The following CROCC2 variants were observed in gnomAD, a reference collection of about 807,000 sequenced individuals.
CROCC2 encodes the protein ciliary rootlet coiled-coil protein 2.
In CROCC2, 163 loss-of-function variants were observed where a neutral mutation model predicts 177.6. That is an observed-to-expected ratio of 0.92 (90% CI 0.81 to 1.05). The LOEUF (loss-of-function observed/expected upper bound fraction) is 1.05, where lower values mean the gene tolerates loss of function less well. Ranked by LOEUF, CROCC2 falls within the 50% of genes least tolerant of loss-of-function variation. The pLI, the probability that CROCC2 is intolerant of heterozygous loss-of-function variation, is 0.00. For synonymous variants in CROCC2, 904 were observed against 787.3 expected (o/e 1.15, Z -2.48); for missense variants, 1,929 against 1,797.8 (o/e 1.07, Z -1.32).
chr2:240,963,520 C>A, intron 20 of CROCC2, 36 bp from the exon 21 acceptor site: 2 of 1,478,770 alleles, frequency 1.4e-6, no homozygotes, highest in Non-Finnish European at 1.8e-6. Flanking sequence ...AGCAGTGGTC[C>A]CCAGCGGGCC....
chr2:240,975,884 C>T (rs893307569), intron 27 of CROCC2, among the ~76,000 whole-genome samples: 15 of 152,102 alleles, frequency 9.9e-5, no homozygotes, highest in African/African-American at 3.6e-4. Flanking sequence ...CGCCCGCCAC[C>T]ACGCCCGGCT....
rs2059522867 is a variant in CROCC2 at position 240,946,174 on chromosome 2, G to A, written c.2284G>A (p.Glu762Lys). Reference sequence around the variant, plus strand: ...GCAAGGAAAGGATGCTCTGTCTGAGGAGCGGGCCCAGCTGCTGGCCAAGCA... The same window carrying A: ...GCAAGGAAAGGATGCTCTGTCTGAGAAGCGGGCCCAGCTGCTGGCCAAGCA... ...ALQGKDALSEERAQLLAKQEA... is the reference protein window; with the variant it reads ...ALQGKDALSEKRAQLLAKQEA... The change falls in exon 15 of 32, where the codon GAG becomes AAG. Residue 762 changes from glutamate to lysine, a missense_variant. Physicochemically the swap from Glu to Lys is moderately conservative, Grantham distance 56 (BLOSUM62 1). This residue lies in a region of CROCC2 where 1,397 missense variants were observed against 1,239.9 expected (regional missense o/e 1.13). Transcript: ENST00000690015. 6.5e-7 allele frequency: 1 copy of A among 1,548,200 alleles called. No individual in the cohort carries two copies. The highest frequency in any genetic ancestry group is 8.7e-7 in the Non-Finnish European group (1 of 1,144,972).
chr2:240,945,326 G>A (rs1421527086), intron 14 of CROCC2, among the ~76,000 whole-genome samples: 1 of 152,230 alleles, frequency 6.6e-6, no homozygotes, highest in African/African-American at 2.4e-5. Context: ...GAGCTTCGGT[G>A]TCTATGAAGG....
intron 8 of CROCC2, 59 bp from the exon 9 acceptor site, chr2:240,932,643 C>T: frequency 2.8e-6 from 2 of 718,322 alleles, no homozygotes; most frequent in Non-Finnish European, 5.2e-6. Context: ...GCGCGGTCCC[C>T]ACCAAATCAT....
rs747933580 is a variant in CROCC2, at chr2:240,934,966, G to A, written c.1842G>A (p.Ser614=). ...DLELLVRRLK[S]EGVEQRDSLA... ...AGCTTCTTGTGAGGCGGCTGAAGTC[G>A]GAGGGAGTGGAGCAAAGGGACTCCC... The change falls in exon 13 of 32, where the codon TCG becomes TCA. Residue 614 remains serine (S), a synonymous_variant. Transcript: ENST00000690015. The A allele has an allele frequency of 2.6e-5, 40 of 1,512,864 alleles. No individual in the cohort carries two copies. Among genetic ancestry groups the A allele is most frequent in the South Asian group, 2.5e-4 (20 of 79,374 alleles). 93.7% of individuals were successfully genotyped at this position (1,512,864 alleles called of 1,614,324 possible). A position where few individuals can be genotyped will look rare whatever the true frequency, so the allele number is the denominator to read the frequency against.
At chr2:240,965,207 T>A (rs1283168744) in intron 22 of CROCC2, among the ~76,000 whole-genome samples, 174 bp from the exon 23 acceptor site, 3 of 151,956 alleles carry the variant, frequency 2.0e-5, no homozygotes, top group African/African-American at 7.3e-5. Context: ...GTCTACAGAG[T>A]GGCTGAGGGT....
chr2:240,989,659 G>C lies in CROCC2; in HGVS notation c.4689G>C (p.Gln1563His). 6.5e-7 allele frequency: 1 copy of C among 1,544,852 alleles called. No individual in the cohort carries two copies. The highest frequency in any genetic ancestry group is 8.8e-7 in the Non-Finnish European group (1 of 1,142,806). The change falls in exon 30 of 32, where the codon CAG (glutamine) becomes CAC (histidine). Residue 1563 changes from glutamine to histidine, a missense_variant. This residue lies in a region of CROCC2 where 388 missense variants were observed against 352.7 expected (regional missense o/e 1.10). Coordinates refer to ENST00000690015, the MANE Select transcript of CROCC2 (RefSeq NM_001351305.2). ...TGCCCAAGTTCTCACTCCAGGCCCAGATGACAGAGATGGAGCAGGCCCACA... is the reference window on the plus strand; with the variant it reads ...TGCCCAAGTTCTCACTCCAGGCCCACATGACAGAGATGGAGCAGGCCCACA... Reference protein sequence around the residue: ...ALRQNQQLQAQMTEMEQAHTQ... With the variant: ...ALRQNQQLQAHMTEMEQAHTQ...
intron 31 of CROCC2, 125 bp downstream of exon 31, chr2:240,991,403 A>C: frequency 1.3e-6 from 1 of 785,322 alleles, no homozygotes; most frequent in Non-Finnish European, 2.0e-6. Context: ...TGGGAAAACC[A>C]ATGCCTTGTG....
rs2059418491 is a variant in CROCC2, at chr2:240,930,185, G to T, written c.665G>T (p.Gly222Val). ...TTTCAGACCCGGTCAGGGGGCCTGG[G>T]GCAGCCCCGGGACCTCCTCCTCCTG... ...AQRQTRSGGL[G>V]QPRDLLLLWR... is the part of the protein sequence containing the mutation. Residue 222 changes from glycine (G) to valine (V), a missense_variant, in exon 6 of 32, where the codon GGG (glycine) becomes GTG (valine). Physicochemically the swap from Gly to Val is moderately radical, Grantham distance 109. Transcript: ENST00000690015. The T allele has an allele frequency of 3.5e-6, 2 of 571,924 alleles. No homozygotes were observed. The highest frequency in any genetic ancestry group is 3.8e-5 in the African/African-American group (2 of 52,308). 35.4% of individuals were successfully genotyped at this position (571,924 alleles called of 1,614,324 possible).
At chr2:240,964,079 A>T in intron 21 of CROCC2, 1 of 547,436 alleles carries the variant, frequency 1.8e-6, no homozygotes. Flanking sequence ...GAGCAGAGGG[A>T]GGCCAACGGC....
chr2:240,968,090 G>A (rs1323414581), intron 26 of CROCC2, 39 bp from the exon 27 acceptor site: 2 of 1,400,406 alleles, frequency 1.4e-6, no homozygotes, highest in African/African-American at 1.5e-5. Flanking sequence ...ACCTGGGAGG[G>A]GCATGGGGGC....
At position 240,950,383 on chromosome 2, in the gene CROCC2, A is replaced by T; in HGVS notation, c.2702A>T (p.Gln901Leu). The change falls in exon 18 of 32, where the codon CAG becomes CTG. Residue 901 changes from glutamine to leucine, a missense_variant. By Grantham distance (113) the Gln-to-Leu change is moderately radical. Transcript: ENST00000690015. ...GAGGAGAAGGAGGTAGCCAGATGCC[A>T]GCTGGAGCAGGAGAAGGAGCTGGTG... ...LAEEKEVARC[Q>L]LEQEKELVTK... The T allele has an allele frequency of 6.5e-7, 1 of 1,550,324 alleles. No individual in the cohort carries two copies. Among genetic ancestry groups the T allele is most frequent in the South Asian group, 1.2e-5 (1 of 84,054 alleles).
At chr2:240,942,968 A>G (rs112973531) in intron 14 of CROCC2, among the ~76,000 whole-genome samples, 93 of 152,010 alleles carry the variant, frequency 6.1e-4, no homozygotes, top group Middle Eastern at 3.4e-3. Context: ...CTGGTCCTTT[A>G]CTACTTCTGA....
At position 240,906,529 on chromosome 2, in the gene CROCC2, A is replaced by C. The variant is rs2059254663; in HGVS notation, c.16A>C (p.Ser6Arg). Reference protein sequence around the residue: MSSASSEPGNGDASQQ... With the variant: MSSASREPGNGDASQQ... ...CTGGGCTGCAATGAGCTCTGCCTCC[A>C]GTGAGCCTGGCAATGGGGACGCCTC... Residue 6 changes from serine to arginine, a missense_variant, in exon 1 of 32, where the codon AGT becomes CGT. Ser to Arg is a moderately radical substitution (Grantham distance 110). This residue lies in a region of CROCC2 where 1,397 missense variants were observed against 1,239.9 expected (regional missense o/e 1.13). Transcript: ENST00000690015. 2.5e-6 allele frequency: 1 copy of C among 399,006 alleles called. No individual in the cohort carries two copies. Among genetic ancestry groups the C allele is most frequent in the Non-Finnish European group, 4.4e-6 (1 of 226,112 alleles). 24.7% of individuals were successfully genotyped at this position (399,006 alleles called of 1,614,324 possible). A position where few individuals can be genotyped will look rare whatever the true frequency, so the allele number is the denominator to read the frequency against.
chr2:240,948,024 A>C (rs1319599114), intron 15 of CROCC2, among the ~76,000 whole-genome samples: 1 of 152,192 alleles, frequency 6.6e-6, no homozygotes, highest in East Asian at 1.9e-4. Flanking sequence ...CCCTTACAGG[A>C]GACCAGGCGG....
In CROCC2 at chr2:240,949,055, G is replaced by A; in HGVS notation, c.2440G>A (p.Glu814Lys). The A allele has an allele frequency of 6.5e-7, 1 of 1,549,196 alleles. No individual in the cohort carries two copies. Among genetic ancestry groups the A allele is most frequent in the Non-Finnish European group, 8.7e-7 (1 of 1,146,688 alleles). The change falls in exon 16 of 32, where the codon GAG (glutamate) becomes AAG (lysine). Residue 814 changes from glutamate (E) to lysine (K), a missense_variant. Around this residue, in one of 3 missense-constraint regions of CROCC2, gnomAD observed 1,397 missense variants for 1,239.9 expected, o/e 1.13. Coordinates refer to ENST00000690015, the MANE Select transcript of CROCC2 (RefSeq NM_001351305.2). The surrounding 1 kb of genome is among the most constrained non-coding windows in gnomAD (Gnocchi z 4.5). The part of the protein sequence containing the change: ...LATKLQEQLE[E>K]EARSAGLARQ... ...CACAAAGCTGCAGGAGCAGCTGGAGGAGGAAGCCCGGAGCGCAGGACTCGC... is the reference window on the plus strand; with the variant it reads ...CACAAAGCTGCAGGAGCAGCTGGAGAAGGAAGCCCGGAGCGCAGGACTCGC...
intron 27 of CROCC2, among the ~76,000 whole-genome samples, chr2:240,971,657 T>G (rs1382615311): frequency 2.6e-5 from 4 of 152,124 alleles, no homozygotes; most frequent in Admixed American, 1.3e-4. Context: ...AAACCCTCCC[T>G]ACTTGCAGAA....
intron 28 of CROCC2, 46 bp from the exon 29 acceptor site, chr2:240,988,693 C>T: frequency 7.5e-7 from 1 of 1,338,830 alleles, no homozygotes; most frequent in Non-Finnish European, 9.7e-7. Context: ...CCTGACCTCA[C>T]TCCCTGCCAG....
chr2:240,965,089 C>T (rs2106479938), intron 22 of CROCC2, among the ~76,000 whole-genome samples: 1 of 152,298 alleles, frequency 6.6e-6, no homozygotes, highest in East Asian at 1.9e-4. Flanking sequence ...GGGTCCAATG[C>T]ACCCCAGCCA....
Sources: gnomAD v4.1 joint callset for allele counts (sites outside exome capture counted in the v4.1 genomes callset) on GRCh38, gnomAD v4.1.1 for gene constraint, gnomAD v4.1.1 regional missense constraint, Gnocchi (gnomAD v3.1) non-coding constraint, MANE v1.5 for transcripts, NCBI Gene and HGNC (gene_info 2026-07-23, HGNC 2026-07-21) for gene names.